The following GRK5 variants were observed in gnomAD, a reference collection of about 807,000 sequenced individuals.
GRK5 encodes the protein G protein-coupled receptor kinase 5, also known as g protein-coupled receptor kinase GRK5.
A neutral mutation model predicts 78.4 loss-of-function variants in GRK5; 40 were observed. The ratio of observed to expected loss-of-function variants is 0.51; its 90% CI spans 0.40 to 0.66. The LOEUF is 0.66. GRK5 is among the 30% of genes least tolerant of loss of function. The pLI is 0.00. For synonymous variants in GRK5, 289 were observed against 296.8 expected (o/e 0.97, Z 0.27); for missense variants, 598 against 759.9 (o/e 0.79, Z 2.50).
intron 1 of GRK5, among the ~76,000 whole-genome samples, chr10:119,218,377 T>C (rs951712946): frequency 6.6e-6 from 1 of 152,122 alleles, no homozygotes; most frequent in African/African-American, 2.4e-5. Context: ...ACCCAGCCAA[T>C]GTAATTGCTC....
intron 1 of GRK5, among the ~76,000 whole-genome samples, chr10:119,281,551 C>T (rs1849762495): frequency 6.6e-6 from 1 of 152,162 alleles, no homozygotes; most frequent in Middle Eastern, 3.2e-3. Flanking sequence ...TGTATTTGAG[C>T]CACTGTTCTG....
At chr10:119,448,928 CTG>C (rs942777907) in intron 13 of GRK5, among the ~76,000 whole-genome samples, 8 of 152,188 alleles carry the variant, frequency 5.3e-5, no homozygotes, top group African/African-American at 1.9e-4. Context: ...GCTGGGTGAT[CTG>C]TGCGGGATAC....
In GRK5 at chr10:119,455,572, A is replaced by T. The variant is rs563955512; in HGVS notation, c.*505A>T. The T allele has an allele frequency of 1.6e-4, 46 of 295,970 alleles. No homozygotes were observed. The highest frequency in any genetic ancestry group is 1.3e-3 in the South Asian group (44 of 33,906). 18.3% of individuals were successfully genotyped at this position (295,970 alleles called of 1,614,324 possible). A position where few individuals can be genotyped will look rare whatever the true frequency, so the allele number is the denominator to read the frequency against. On this transcript the variant is annotated 3_prime_UTR_variant, in exon 16 of 16. Transcript: ENST00000392870. Reference sequence around the variant, plus strand: ...AAAAAATGTGACTCAAGACTTCCAGAGCCTCAAATGAGAAAATGTCTTTAT... The same window carrying T: ...AAAAAATGTGACTCAAGACTTCCAGTGCCTCAAATGAGAAAATGTCTTTAT...
At chr10:119,307,304 C>T (rs1224113466) in intron 1 of GRK5, among the ~76,000 whole-genome samples, 2 of 151,904 alleles carry the variant, frequency 1.3e-5, no homozygotes, top group African/African-American at 2.4e-5. Flanking sequence ...ATCATGGTCC[C>T]CTAAAGATGT....
chr10:119,280,810 C>T (rs1210629033), intron 1 of GRK5, among the ~76,000 whole-genome samples: 1 of 141,694 alleles, frequency 7.1e-6, no homozygotes, highest in Admixed American at 7.2e-5. Flanking sequence ...GACAGAGTCT[C>T]ACTCTGTCAC....
Position 119,216,549 on chromosome 10 carries a change from C to T in GRK5, c.52+8580C>T, listed in dbSNP as rs563228918. Among the ~76,000 whole-genome samples, 126 of 152,352 alleles carry T rather than the reference C, an allele frequency of 8.3e-4. 2 individuals carry two copies. Among genetic ancestry groups the T allele is most frequent in the African/African-American group, 2.9e-3 (120 of 41,588 alleles). ...CAGGGCCGGGTGCAGTGGCTCACGCCTGTAATCCCAGCATTTTGGGAGGCT... is the reference window on the plus strand; with the variant it reads ...CAGGGCCGGGTGCAGTGGCTCACGCTTGTAATCCCAGCATTTTGGGAGGCT... On this transcript the variant is annotated intron_variant, in intron 1 of 15. Coordinates refer to ENST00000392870, the MANE Select transcript of GRK5 (RefSeq NM_005308.3).
At chr10:119,341,396 C>G (rs1243290162) in intron 2 of GRK5, among the ~76,000 whole-genome samples, 1 of 152,236 alleles carries the variant, frequency 6.6e-6, no homozygotes, top group Non-Finnish European at 1.5e-5. Flanking sequence ...TGCCGCTCAT[C>G]TCCTGACTTA....
intron 5 of GRK5, among the ~76,000 whole-genome samples, chr10:119,424,024 C>G (rs1051059839): frequency 6.6e-6 from 1 of 152,114 alleles, no homozygotes; most frequent in African/African-American, 2.4e-5. Context: ...ACAAGAAAAA[C>G]AGCAACCTGC....
chr10:119,216,656 A>T (rs1053442262), intron 1 of GRK5, among the ~76,000 whole-genome samples: 6 of 152,192 alleles, frequency 3.9e-5, no homozygotes, highest in Non-Finnish European at 7.3e-5. Flanking sequence ...CAAAAAATAA[A>T]AAATAAATAA....
At chr10:119,287,275 AGGG>A (rs1189411375) in intron 1 of GRK5, among the ~76,000 whole-genome samples, 1,945 of 133,520 alleles carry the variant, frequency 0.015, 142 homozygotes, top group Admixed American at 0.038. Flanking sequence ...GGAAGGAGGA[AGGG>A]AGGGAGAGAA....
chr10:119,353,932 CTTTTTT>C (rs761463283), intron 2 of GRK5, among the ~76,000 whole-genome samples: 2 of 108,736 alleles, frequency 1.8e-5, no homozygotes, highest in East Asian at 2.6e-4. Flanking sequence ...TTTTTTCTTT[CTTTTTT>C]TTTTTTTTTT....
intron 1 of GRK5, among the ~76,000 whole-genome samples, chr10:119,314,773 T>G (rs1442265056): frequency 6.6e-6 from 1 of 152,182 alleles, no homozygotes; most frequent in Non-Finnish European, 1.5e-5. Context: ...CACTAGACCT[T>G]GACCTCGCAG....
chr10:119,280,339 C>T (rs1849742272), intron 1 of GRK5, among the ~76,000 whole-genome samples: 1 of 152,222 alleles, frequency 6.6e-6, no homozygotes, highest in Non-Finnish European at 1.5e-5. Context: ...TGCACTGTCA[C>T]ACTTGTTGCC....
chr10:119,213,611 T>C (rs1393424462), intron 1 of GRK5, among the ~76,000 whole-genome samples: 1 of 152,250 alleles, frequency 6.6e-6, no homozygotes, highest in African/African-American at 2.4e-5. Flanking sequence ...AAAATTTTTA[T>C]TTAAAAATAT....
chr10:119,399,091 T>C (rs981610089), intron 4 of GRK5, among the ~76,000 whole-genome samples: 1 of 152,186 alleles, frequency 6.6e-6, no homozygotes, highest in Non-Finnish European at 1.5e-5. Context: ...CTCCATCTCC[T>C]GGAGGGATGG....
At chr10:119,272,143 G>C (rs1273685770) in intron 1 of GRK5, among the ~76,000 whole-genome samples, 4 of 152,222 alleles carry the variant, frequency 2.6e-5, no homozygotes, top group Non-Finnish European at 1.5e-5. Context: ...ATGGGACCCT[G>C]TGCCGGCTGA....
At chr10:119,258,000 A>T (rs1471920954) in intron 1 of GRK5, among the ~76,000 whole-genome samples, 1 of 152,184 alleles carries the variant, frequency 6.6e-6, no homozygotes, top group African/African-American at 2.4e-5. Flanking sequence ...AAAAGTGCAT[A>T]GTTCTGCGTG....
At chr10:119,389,393 G>A (rs1044467777) in intron 3 of GRK5, among the ~76,000 whole-genome samples, 1 of 152,256 alleles carries the variant, frequency 6.6e-6, no homozygotes, top group Non-Finnish European at 1.5e-5. Context: ...TGGGAAGAGT[G>A]GAGGGTGCTT....
chr10:119,444,053 C>T (rs796358576), intron 12 of GRK5, among the ~76,000 whole-genome samples: 5 of 152,014 alleles, frequency 3.3e-5, no homozygotes, highest in African/African-American at 1.2e-4. Flanking sequence ...CCACACAGGG[C>T]GGAGAAGAGA....
Sources: allele counts gnomAD v4.1 joint callset (sites outside exome capture counted in the v4.1 genomes callset), GRCh38; gene constraint gnomAD v4.1.1; transcripts MANE v1.5; gene names NCBI Gene and HGNC (gene_info 2026-07-23, HGNC 2026-07-21).